Variants in ANAPC10 observed in about 807,000 individuals in gnomAD.
The protein encoded by ANAPC10 is anaphase-promoting complex subunit 10.
Under a neutral mutation model 22.0 loss-of-function variants are expected in ANAPC10, and 12 were observed. The observed-to-expected ratio is 0.55, with a 90% CI of 0.35 to 0.88. The LOEUF is 0.88. Among genes scored for constraint, ANAPC10 ranks in the 40% least tolerant of loss-of-function variants. The pLI, the probability that ANAPC10 is intolerant of heterozygous loss-of-function variation, is 0.01. For synonymous variants in ANAPC10, 65 were observed against 69.5 expected, an observed-to-expected ratio of 0.94 and a Z score of 0.32; for missense variants, 188 against 220.9, an observed-to-expected ratio of 0.85 and a Z score of 0.94.
At chr4:145,047,738 G>T (rs908230742) in intron 4 of ANAPC10, among the ~76,000 whole-genome samples, 2 of 152,048 alleles carry the variant, frequency 1.3e-5, no homozygotes, top group Non-Finnish European at 2.9e-5. Context: ...TCAGAGAAAT[G>T]ATAAAATTTT....
intron 2 of ANAPC10, among the ~76,000 whole-genome samples, chr4:145,085,780 C>A (rs1746796388): frequency 6.6e-6 from 1 of 152,044 alleles, no homozygotes; most frequent in Non-Finnish European, 1.5e-5. Flanking sequence ...CAAACGGAAC[C>A]TCTTACAAAC....
intron 4 of ANAPC10, among the ~76,000 whole-genome samples, chr4:145,043,842 T>G (rs1739884716): frequency 6.6e-6 from 1 of 152,022 alleles, no homozygotes; most frequent in Non-Finnish European, 1.5e-5. Context: ...ATAAAATTCT[T>G]TTTTTTCCCT....
chr4:145,087,493 A>G (rs1343479798), intron 2 of ANAPC10, among the ~76,000 whole-genome samples: 1 of 152,138 alleles, frequency 6.6e-6, no homozygotes, highest in Non-Finnish European at 1.5e-5. Flanking sequence ...AAATGTCTTA[A>G]CTATGAAGAC....
chr4:145,095,108 G>A (rs1748315400), intron 2 of ANAPC10, among the ~76,000 whole-genome samples: 1 of 151,916 alleles, frequency 6.6e-6, no homozygotes, highest in African/African-American at 2.4e-5. Context: ...AGAGATATAT[G>A]ATAAAAAAAA....
chr4:145,011,966 A>C (rs1734384080), intron 4 of ANAPC10, among the ~76,000 whole-genome samples: 1 of 152,066 alleles, frequency 6.6e-6, no homozygotes, highest in Non-Finnish European at 1.5e-5. Context: ...TAAAGAACAG[A>C]ACTAGAGAGA....
At chr4:145,086,079 C>T (rs967387105) in intron 2 of ANAPC10, among the ~76,000 whole-genome samples, 6 of 152,174 alleles carry the variant, frequency 3.9e-5, no homozygotes, top group Middle Eastern at 3.4e-3. Context: ...CTTGCCTCAG[C>T]CTCCCCCAGA....
At chr4:145,090,645 C>G (rs1747541317) in intron 2 of ANAPC10, among the ~76,000 whole-genome samples, 1 of 152,158 alleles carries the variant, frequency 6.6e-6, no homozygotes, top group Non-Finnish European at 1.5e-5. Context: ...TCTTTCTGTA[C>G]TAGTTTCCTC....
chr4:145,012,334 TAAG>T (rs1318299997), intron 4 of ANAPC10, among the ~76,000 whole-genome samples: 1 of 151,748 alleles, frequency 6.6e-6, no homozygotes, highest in African/African-American at 2.4e-5. Context: ...ACAAGGTTGT[TAAG>T]AAGATATTTT....
At chr4:145,073,173 C>T (rs775217899) in intron 3 of ANAPC10, among the ~76,000 whole-genome samples, 4 of 152,178 alleles carry the variant, frequency 2.6e-5, no homozygotes, top group Admixed American at 2.6e-4. Flanking sequence ...GGATTATAGG[C>T]GTGAGCCACT....
At chr4:145,081,477 AAGAC>A (rs1746006840) in intron 3 of ANAPC10, 179 bp downstream of exon 3, 1 of 453,868 alleles carries the variant, frequency 2.2e-6, no homozygotes, top group Non-Finnish European at 3.9e-6. Flanking sequence ...CATAAAAAAT[AAGAC>A]AGAGTAACTT....
intron 4 of ANAPC10, among the ~76,000 whole-genome samples, chr4:145,051,845 G>A (rs1741147269): frequency 6.6e-6 from 1 of 152,116 alleles, no homozygotes. Flanking sequence ...TAATTTTCCT[G>A]AAAAATTTAA....
chr4:145,085,097 G>A (rs1746664171), intron 2 of ANAPC10, among the ~76,000 whole-genome samples: 2 of 152,084 alleles, frequency 1.3e-5, no homozygotes, highest in Admixed American at 6.5e-5. Context: ...GCAACATAGT[G>A]AGACACTGTC....
intron 3 of ANAPC10, among the ~76,000 whole-genome samples, chr4:145,065,728 T>C (rs1393057730): frequency 2.0e-5 from 3 of 151,938 alleles, no homozygotes. Flanking sequence ...TGTACATATA[T>C]AGTTACAGTA....
intron 4 of ANAPC10, among the ~76,000 whole-genome samples, chr4:145,006,079 G>A (rs542797354): frequency 6.6e-6 from 1 of 152,252 alleles, no homozygotes; most frequent in South Asian, 2.1e-4. Context: ...TTATTGTGGG[G>A]TTTTCTAAGT....
At chr4:145,037,457 G>A (rs1738756296) in intron 4 of ANAPC10, among the ~76,000 whole-genome samples, 1 of 151,986 alleles carries the variant, frequency 6.6e-6, no homozygotes, top group Admixed American at 6.6e-5. Context: ...TGAAAAGAAA[G>A]AAAGGTTAAA....
At chr4:145,009,762 G>A (rs1383264920) in intron 4 of ANAPC10, among the ~76,000 whole-genome samples, 2 of 152,136 alleles carry the variant, frequency 1.3e-5, no homozygotes, top group African/African-American at 2.4e-5. Flanking sequence ...ATAGGCATGG[G>A]CAAGGACTTC....
chr4:145,071,608 G>C (rs1226523638), intron 3 of ANAPC10, among the ~76,000 whole-genome samples: 2 of 152,074 alleles, frequency 1.3e-5, no homozygotes. Context: ...AGGCATTTGA[G>C]AAAATCCAAA....
chr4:144,997,597 G>T (rs1447323121), intron 4 of ANAPC10, among the ~76,000 whole-genome samples: 1 of 152,084 alleles, frequency 6.6e-6, no homozygotes, highest in African/African-American at 2.4e-5. Flanking sequence ...ATATGGAAAG[G>T]AACAACCAGT....
At chr4:145,026,874 A>C (rs545848546) in intron 4 of ANAPC10, among the ~76,000 whole-genome samples, 10 of 138,660 alleles carry the variant, frequency 7.2e-5, no homozygotes, top group East Asian at 2.1e-4. Flanking sequence ...AACAAGAAGA[A>C]GTCTTAGAAA....
Sources: allele counts gnomAD v4.1 joint callset (sites outside exome capture counted in the v4.1 genomes callset), GRCh38; gene constraint gnomAD v4.1.1; transcripts MANE v1.5; gene names NCBI Gene and HGNC (gene_info 2026-07-23, HGNC 2026-07-21).